Variants in RAI14 observed in about 807,000 individuals in gnomAD.
The protein encoded by RAI14 is retinoic acid induced 14.
A neutral mutation model predicts 115.4 loss-of-function variants in RAI14; 45 were observed. The ratio of observed to expected loss-of-function variants is 0.39; its 90% CI spans 0.31 to 0.50. The LOEUF is 0.50. RAI14 is among the 20% of genes least tolerant of loss of function. RAI14 has a pLI of 0.85. For synonymous variants in RAI14, 371 were observed against 415.4 expected, an observed-to-expected ratio of 0.89 and a Z score of 1.30; for missense variants, 939 against 1,131.2, an observed-to-expected ratio of 0.83 and a Z score of 2.44.
intron 15 of RAI14, chr5:34,825,987 G>A (rs1258676144): frequency 1.2e-5 from 2 of 162,156 alleles, no homozygotes; most frequent in Admixed American, 6.3e-5. Context: ...AAATAAAAGC[G>A]GAAATCCTAA....
chr5:34,764,351 G>A (rs1013728588), intron 3 of RAI14, among the ~76,000 whole-genome samples: 6 of 152,142 alleles, frequency 3.9e-5, no homozygotes, highest in Non-Finnish European at 5.9e-5. Context: ...GTGGTATGGC[G>A]GTACTCCTGG....
intron 2 of RAI14, among the ~76,000 whole-genome samples, chr5:34,742,340 G>T (rs1333748490): frequency 6.6e-6 from 1 of 152,176 alleles, no homozygotes. Context: ...AATAAATACA[G>T]GCGTGGTTAA....
chr5:34,830,912 T>C lies in RAI14; in HGVS notation c.*147T>C. On this transcript the variant is annotated 3_prime_UTR_variant, in exon 18 of 18. Coordinates refer to ENST00000265109, the MANE Select transcript of RAI14 (RefSeq NM_015577.3). ...CCCTTTCCAAAGGTTTCTGAGGACT[T>C]CTCCCAGGAGAAGACTGCCCGCCTC... The C allele has an allele frequency of 7.0e-7, 1 of 1,421,376 alleles. No individual in the cohort carries two copies. The highest frequency in any genetic ancestry group is 9.3e-7 in the Non-Finnish European group (1 of 1,075,596). 88.0% of individuals were successfully genotyped at this position (1,421,376 alleles called of 1,614,324 possible). A position where few individuals can be genotyped will look rare whatever the true frequency, so the allele number is the denominator to read the frequency against.
intron 2 of RAI14, among the ~76,000 whole-genome samples, chr5:34,722,129 G>T (rs1742835975): frequency 9.2e-6 from 1 of 108,358 alleles, no homozygotes; most frequent in Non-Finnish European, 1.8e-5. Context: ...TAGACCCTTT[G>T]TTATGAGCTG....
intron 3 of RAI14, among the ~76,000 whole-genome samples, chr5:34,792,239 T>TTTC (rs1554005385): frequency 1.4e-5 from 2 of 146,338 alleles, no homozygotes; most frequent in African/African-American, 5.1e-5. Context: ...TTTTTTCTTT[T>TTTC]TTTTTTTTTT....
chr5:34,709,030 C>G (rs1441362588), intron 2 of RAI14, among the ~76,000 whole-genome samples: 1 of 149,578 alleles, frequency 6.7e-6, no homozygotes, highest in African/African-American at 2.5e-5. Context: ...ATTGTGCTAG[C>G]TAGGCGGGAG....
chr5:34,801,221 C>G (rs1221430787), intron 4 of RAI14, among the ~76,000 whole-genome samples: 2 of 152,168 alleles, frequency 1.3e-5, no homozygotes, highest in South Asian at 2.1e-4. Flanking sequence ...GGATTCCTGT[C>G]TCTCAGTATC....
Position 34,665,031 on chromosome 5 carries a change from ATGTATATATATG to A in RAI14, c.-49+8638_-49+8649del, listed in dbSNP as rs869073370. On this transcript the variant is annotated intron_variant, in intron 1 of 17. Transcript: ENST00000265109. ...TATATATATATATGTGTATATATAT[ATGTATATATATG>A]TGTATATATATGTGTATATATATGT... Among the ~76,000 whole-genome samples, 65 of 31,444 alleles carry A rather than the reference ATGTATATATATG, an allele frequency of 2.1e-3. 10 individuals carry two copies. Among genetic ancestry groups the A allele is most frequent in the East Asian group, 0.015 (18 of 1,164 alleles). 20.6% of individuals were successfully genotyped at this position (31,444 alleles called of 152,430 possible).
rs377446444 is a variant in RAI14, at chr5:34,794,331, GA to G, written c.168-1607del. On this transcript the variant is annotated intron_variant, in intron 3 of 17. Coordinates refer to ENST00000265109, the MANE Select transcript of RAI14 (RefSeq NM_015577.3). ...CCAGCTATTCAGTAGGCTGAGGCAG[GA>G]GAATCACTTGAACCTGAGAGGCGGA... Among the ~76,000 whole-genome samples the G allele has an allele frequency of 8.6e-3, 1,315 of 152,282 alleles. 18 individuals carry two copies. The highest frequency in any genetic ancestry group is 0.03 in the African/African-American group (1,264 of 41,536).
intron 1 of RAI14, among the ~76,000 whole-genome samples, chr5:34,658,022 T>G (rs1466245310): frequency 1.3e-5 from 2 of 152,246 alleles, no homozygotes; most frequent in Admixed American, 1.3e-4. Context: ...AGTTCTTATA[T>G]TTTAGCCAGT....
At chr5:34,731,218 G>A (rs1418372202) in intron 2 of RAI14, among the ~76,000 whole-genome samples, 1 of 152,034 alleles carries the variant, frequency 6.6e-6, no homozygotes, top group East Asian at 1.9e-4. Flanking sequence ...ACAGTGTTTG[G>A]TTATGTGGTT....
At chr5:34,782,120 G>A (rs1461747349) in intron 3 of RAI14, among the ~76,000 whole-genome samples, 2 of 152,220 alleles carry the variant, frequency 1.3e-5, no homozygotes, top group African/African-American at 4.8e-5. Context: ...TGGGCCAGGT[G>A]TTCCTTGCCC....
chr5:34,708,510 A>G (rs1741007963), intron 2 of RAI14, among the ~76,000 whole-genome samples: 2 of 152,174 alleles, frequency 1.3e-5, no homozygotes. Flanking sequence ...CCAAAGGAAC[A>G]TATTTTTAAG....
At chr5:34,785,718 A>G (rs922656852) in intron 3 of RAI14, among the ~76,000 whole-genome samples, 3 of 152,194 alleles carry the variant, frequency 2.0e-5, no homozygotes, top group South Asian at 2.1e-4. Context: ...TATTCACCCA[A>G]TAAGCTGCTT....
intron 3 of RAI14, among the ~76,000 whole-genome samples, chr5:34,776,497 C>A (rs1447881779): frequency 6.6e-6 from 1 of 152,096 alleles, no homozygotes; most frequent in Non-Finnish European, 1.5e-5. Context: ...TGATTATTCA[C>A]ATTGTATACC....
In RAI14 at chr5:34,781,704, G is replaced by A. The variant is rs1481083823; in HGVS notation, c.168-14235G>A. The stretch of plus-strand genomic sequence containing the variant: ...TTAGCAGTTCATCAGAAAGTTCAAC[G>A]TAGTTGCCATATGACTGAGCAATTC... On this transcript the variant is annotated intron_variant, in intron 3 of 17. Transcript: ENST00000265109. 5.3e-5 allele frequency among the ~76,000 whole-genome samples: 8 copies of A among 152,332 alleles called. No individual in the cohort carries two copies. The East Asian group carries it at 7.7e-4, about 15-fold the overall frequency.
chr5:34,686,854 C>A lies in RAI14; in HGVS notation c.-48-18C>A. On this transcript the variant is annotated intron_variant, in intron 1 of 17. Coordinates refer to ENST00000265109, the MANE Select transcript of RAI14 (RefSeq NM_015577.3). ...CCTTATTTGGAAACCTACATATGTCCTTTTTTTCTCTGCTTAGGTGTTGAA... is the reference window on the plus strand; with the variant it reads ...CCTTATTTGGAAACCTACATATGTCATTTTTTTCTCTGCTTAGGTGTTGAA... 6.6e-7 allele frequency: 1 copy of A among 1,522,318 alleles called. No individual in the cohort carries two copies. Among genetic ancestry groups the A allele is most frequent in the South Asian group, 1.1e-5 (1 of 87,464 alleles). The allele number at this position is 1,522,318 out of a possible 1,614,324, so 94.3% of individuals were successfully genotyped here.
intron 2 of RAI14, among the ~76,000 whole-genome samples, chr5:34,718,984 C>G (rs147941538): frequency 1.1e-4 from 16 of 152,306 alleles, no homozygotes; most frequent in African/African-American, 3.9e-4. Flanking sequence ...ATTCATTTAG[C>G]CGGTACTGTA....
At chr5:34,788,133 G>C (rs552669127) in intron 3 of RAI14, among the ~76,000 whole-genome samples, 4 of 151,624 alleles carry the variant, frequency 2.6e-5, no homozygotes, top group African/African-American at 9.7e-5. Flanking sequence ...TGTTCAGGCT[G>C]GTCTTGAACT....
Sources: allele counts gnomAD v4.1 joint callset (sites outside exome capture counted in the v4.1 genomes callset), GRCh38; gene constraint gnomAD v4.1.1; transcripts MANE v1.5; gene names NCBI Gene and HGNC (gene_info 2026-07-23, HGNC 2026-07-21).